Variants in IL1RN observed in about 807,000 individuals in gnomAD.
IL1RN encodes interleukin-1 receptor antagonist protein.
IL1RN carries 10 observed loss-of-function variants against 13.7 expected under a neutral mutation model. That is an observed-to-expected ratio of 0.73 (90% CI 0.45 to 1.24). IL1RN has a LOEUF of 1.24. Among genes scored for constraint, IL1RN ranks in the 50% most tolerant of loss-of-function variants. The pLI, the probability that IL1RN is intolerant of heterozygous loss-of-function variation, is 0.00. For missense variants in IL1RN, 213 were observed against 222.1 expected (o/e 0.96, Z 0.26); for synonymous variants, 102 against 82.7 (o/e 1.23, Z -1.27).
upstream of IL1RN, among the ~76,000 whole-genome samples, chr2:113,106,608 C>G (rs963739391): frequency 6.8e-6 from 1 of 147,664 alleles, no homozygotes. Flanking sequence ...TGTGGCCTCT[C>G]TTTCCTTTCC....
chr2:113,129,035 G>A (rs1687064205), intron 1 of IL1RN, among the ~76,000 whole-genome samples: 1 of 152,328 alleles, frequency 6.6e-6, no homozygotes, highest in South Asian at 2.1e-4. Context: ...GAGCGAGTTA[G>A]CTGCAAGGTG....
intron 1 of IL1RN, among the ~76,000 whole-genome samples, chr2:113,111,355 G>T (rs1686491250): frequency 6.6e-6 from 1 of 152,196 alleles, no homozygotes; most frequent in Non-Finnish European, 1.5e-5. Flanking sequence ...TATTTATGGA[G>T]AAGGCACTAC....
chr2:113,128,708 C>T (rs1193892556), intron 1 of IL1RN, among the ~76,000 whole-genome samples: 2 of 152,150 alleles, frequency 1.3e-5, no homozygotes, highest in East Asian at 1.9e-4. Context: ...CACCCCTCGT[C>T]GAGCATGTGG....
upstream of IL1RN, among the ~76,000 whole-genome samples, chr2:113,107,745 C>A (rs569162952): frequency 2.6e-5 from 4 of 152,066 alleles, no homozygotes; most frequent in South Asian, 8.3e-4. Flanking sequence ...CCAAACCAAA[C>A]CAAACCAAAC....
upstream of IL1RN, chr2:113,107,126 C>T (rs906597804): frequency 6.6e-6 from 1 of 152,158 alleles, no homozygotes; most frequent in Non-Finnish European, 1.5e-5. Flanking sequence ...AATCACAGCA[C>T]CTTAAGGTGA....
intron 2 of IL1RN, among the ~76,000 whole-genome samples, chr2:113,120,964 T>TTCG (rs137965806): frequency 0.031 from 4,654 of 151,586 alleles, 248 homozygotes; most frequent in African/African-American, 0.11. Context: ...GAGTAGTTTC[T>TTCG]TCTTCTTCTT....
chr2:113,129,119 A>T (rs573453018), intron 1 of IL1RN, among the ~76,000 whole-genome samples: 2 of 152,214 alleles, frequency 1.3e-5, no homozygotes, highest in South Asian at 2.1e-4. Flanking sequence ...ATTTATACTT[A>T]AATGAATGAA....
At chr2:113,102,961 G>A (rs1157765318), upstream of IL1RN, among the ~76,000 whole-genome samples, 2 of 152,238 alleles carry the variant, frequency 1.3e-5, no homozygotes, top group Admixed American at 6.5e-5. Flanking sequence ...GGCCTGACAA[G>A]GCACAGAAGG....
At chr2:113,120,343 T>C (rs546275254) in intron 2 of IL1RN, among the ~76,000 whole-genome samples, 13 of 151,320 alleles carry the variant, frequency 8.6e-5, no homozygotes, top group African/African-American at 2.9e-4. Flanking sequence ...GATTGCTCTA[T>C]GTATGTATGT....
upstream of IL1RN, among the ~76,000 whole-genome samples, chr2:113,125,923 C>T (rs1291624084): frequency 2.6e-5 from 4 of 152,266 alleles, no homozygotes; most frequent in South Asian, 2.1e-4. Context: ...CTCAGCCTCC[C>T]GAGTAGCTGG....
At chr2:113,120,696 T>C (rs188359970) in intron 2 of IL1RN, among the ~76,000 whole-genome samples, 1 of 152,318 alleles carries the variant, frequency 6.6e-6, no homozygotes, top group East Asian at 1.9e-4. Context: ...ATCATTTCTT[T>C]CCTTATTACC....
chr2:113,100,301 G>A, the IL1RN span, among the ~76,000 whole-genome samples: 1 of 150,396 alleles, frequency 6.6e-6, no homozygotes, highest in Non-Finnish European at 1.5e-5. Flanking sequence ...ACTCCAGCCC[G>A]GGCGACAGAG....
upstream of IL1RN, among the ~76,000 whole-genome samples, chr2:113,114,842 A>C (rs1020015960): frequency 1.3e-5 from 2 of 152,164 alleles, no homozygotes; most frequent in Non-Finnish European, 2.9e-5. Context: ...GGATCACATA[A>C]ATGCAGAGTC....
At chr2:113,106,875 A>G (rs374829597), upstream of IL1RN, among the ~76,000 whole-genome samples, 99 of 142,928 alleles carry the variant, frequency 6.9e-4, no homozygotes, top group African/African-American at 2.4e-3. Context: ...AGAATAACAA[A>G]TGAACTGGCA....
At chr2:113,117,284 G>A (rs114430178), upstream of IL1RN, among the ~76,000 whole-genome samples, 57 of 152,296 alleles carry the variant, frequency 3.7e-4, no homozygotes, top group Middle Eastern at 0.031. Context: ...TGGCTTCCAC[G>A]TAGTGCTCAA....
At chr2:113,108,410 CT>C (rs1421086702), upstream of IL1RN, among the ~76,000 whole-genome samples, 1 of 151,820 alleles carries the variant, frequency 6.6e-6, no homozygotes, top group African/African-American at 2.4e-5. Context: ...TCCGTCCCCC[CT>C]CCCCCACCCC....
chr2:113,125,273 T>C (rs1378422388), upstream of IL1RN, among the ~76,000 whole-genome samples: 1 of 152,250 alleles, frequency 6.6e-6, no homozygotes, highest in Non-Finnish European at 1.5e-5. Context: ...TTCAACACAC[T>C]CTGGAAGAGG....
upstream of IL1RN, among the ~76,000 whole-genome samples, chr2:113,122,774 A>G (rs1573293217): frequency 6.6e-6 from 1 of 151,982 alleles, no homozygotes; most frequent in African/African-American, 2.4e-5. Context: ...CACTTTTCCT[A>G]CCCCTACCTC....
chr2:113,100,376 G>A, the IL1RN span, among the ~76,000 whole-genome samples: 4 of 151,818 alleles, frequency 2.6e-5, no homozygotes, highest in East Asian at 1.9e-4. Context: ...GAGGCCAGGC[G>A]TATTCATGTT....
Sources: gnomAD v4.1 joint callset for allele counts (sites outside exome capture counted in the v4.1 genomes callset) on GRCh38, gnomAD v4.1.1 for gene constraint, MANE v1.5 for transcripts, NCBI Gene and HGNC (gene_info 2026-07-23, HGNC 2026-07-21) for gene names.